Variants in WDR3 observed in about 807,000 individuals in gnomAD.
WDR3 encodes WD repeat domain 3.
A neutral mutation model predicts 123.7 loss-of-function variants in WDR3; 81 were observed. The observed-to-expected ratio is 0.65, with a 90% CI of 0.55 to 0.79. The LOEUF (loss-of-function observed/expected upper bound fraction) is 0.79. WDR3 is among the 30% of genes least tolerant of loss of function. The pLI is 0.00. For missense variants in WDR3, 1,027 were observed against 1,123.2 expected (o/e 0.91, Z 1.22); for synonymous variants, 390 against 388.8 (o/e 1.00, Z -0.04).
chr1:117,962,752 T>C lies in WDR3; in HGVS notation c.*3305T>C, dbSNP rs890147843. ...AATTATATCTCATTCTAAAGATATC[T>C]AGCAAATCTCCAGCAGAGATCTAGG... On this transcript the variant is annotated 3_prime_UTR_variant, in exon 27 of 27. Transcript: ENST00000349139. 2 of 152,258 alleles carry C rather than the reference T, an allele frequency of 1.3e-5. No homozygotes were observed. Among genetic ancestry groups the C allele is most frequent in the Non-Finnish European group, 2.9e-5 (2 of 68,052 alleles). The allele number at this position is 152,258 out of a possible 1,614,324, so 9.4% of individuals were successfully genotyped here.
At chr1:117,957,725 A>G (rs1366760076) in intron 25 of WDR3, among the ~76,000 whole-genome samples, 3 of 152,184 alleles carry the variant, frequency 2.0e-5, no homozygotes, top group Non-Finnish European at 4.4e-5. Context: ...ATCAGCTATC[A>G]TTAGTGTATT....
intron 26 of WDR3, 100 bp from the exon 27 acceptor site, chr1:117,959,192 G>C: frequency 6.9e-7 from 1 of 1,447,414 alleles, no homozygotes; most frequent in Non-Finnish European, 9.3e-7. Context: ...GGAAAGATAA[G>C]TAACAACACC....
In WDR3 at chr1:117,962,233, C is replaced by T. The variant is rs1653194596; in HGVS notation, c.*2786C>T. 1 of 152,024 alleles carries T rather than the reference C, an allele frequency of 6.6e-6. No individual in the cohort carries two copies. Among genetic ancestry groups the T allele is most frequent in the Non-Finnish European group, 1.5e-5 (1 of 68,002 alleles). 9.4% of individuals were successfully genotyped at this position (152,024 alleles called of 1,614,324 possible). A position where few individuals can be genotyped will look rare whatever the true frequency, so the allele number is the denominator to read the frequency against. ...TAAAGTGACATGTACAGAACCTAGC[C>T]AAGTTACAATTTTTGGTCAAAATAC... On this transcript the variant is annotated 3_prime_UTR_variant, in exon 27 of 27. Transcript: ENST00000349139.
Position 117,963,829 on chromosome 1 carries a change from G to T in WDR3, c.*4382G>T, listed in dbSNP as rs1653445745. 3 of 1,613,420 alleles carry T rather than the reference G, an allele frequency of 1.9e-6. No homozygotes were observed. The highest frequency in any genetic ancestry group is 2.7e-5 in the African/African-American group (2 of 75,020). ...GTGGAGAAACTTTACGAGACATGAAGACTCCAAGTGTGGAGGAATAAATTG... is the reference window on the plus strand; with the variant it reads ...GTGGAGAAACTTTACGAGACATGAATACTCCAAGTGTGGAGGAATAAATTG... On this transcript the variant is annotated 3_prime_UTR_variant, in exon 27 of 27. Coordinates refer to ENST00000349139, the MANE Select transcript of WDR3 (RefSeq NM_006784.3).
In WDR3 at chr1:117,952,223, G is replaced by T. The variant is rs1651643999; in HGVS notation, c.1905-74G>T. The T allele has an allele frequency of 3.4e-6, 5 of 1,469,712 alleles. No individual in the cohort carries two copies. The East Asian group carries it at 1.1e-4, about 33-fold the overall frequency. The allele number at this position is 1,469,712 out of a possible 1,614,324, so 91.0% of individuals were successfully genotyped here. Reference sequence around the variant, plus strand: ...ACACCCTAGAACTAGCTAGTCAAAAGCTATTTATGTGTGTAAAACTCTTTT... The same window carrying T: ...ACACCCTAGAACTAGCTAGTCAAAATCTATTTATGTGTGTAAAACTCTTTT... On this transcript the variant is annotated intron_variant, in intron 17 of 26. Transcript: ENST00000349139.
chr1:117,953,442 C>T (rs1301807995), intron 20 of WDR3, 34 bp from the exon 21 acceptor site: 2 of 1,602,394 alleles, frequency 1.2e-6, no homozygotes, highest in Non-Finnish European at 1.7e-6. Context: ...CAACAGTCAA[C>T]AGTGTTATTC....
chr1:117,961,108 C>T lies in WDR3; in HGVS notation c.*1661C>T, dbSNP rs1388889951. The T allele has an allele frequency of 1.3e-5, 2 of 152,150 alleles. No individual in the cohort carries two copies. 9.4% of individuals were successfully genotyped at this position (152,150 alleles called of 1,614,324 possible). ...ACCAGCCTGGCCAACATGGTGAAAC[C>T]TCATCTCTACTAAAAATACAAAAAA... On this transcript the variant is annotated 3_prime_UTR_variant, in exon 27 of 27. Coordinates refer to ENST00000349139, the MANE Select transcript of WDR3 (RefSeq NM_006784.3).
Sources: gnomAD v4.1 joint callset for allele counts (sites outside exome capture counted in the v4.1 genomes callset) on GRCh38, gnomAD v4.1.1 for gene constraint, MANE v1.5 for transcripts, NCBI Gene and HGNC (gene_info 2026-07-23, HGNC 2026-07-21) for gene names.